SLIT1: variants seen among roughly 807,000 people sequenced by gnomAD.
SLIT1 encodes the protein slit guidance ligand 1.
A neutral mutation model predicts 186.1 loss-of-function variants in SLIT1; 66 were observed. The observed-to-expected ratio is 0.35, with a 90% CI of 0.29 to 0.44. The LOEUF is 0.44. Ranked by LOEUF, SLIT1 falls within the 20% of genes least tolerant of loss-of-function variation. The pLI is 1.00. For missense variants in SLIT1, 1,638 were observed against 2,037.4 expected (o/e 0.80, Z 3.77); for synonymous variants, 761 against 833.8 (o/e 0.91, Z 1.50).
chr10:97,064,276 C>G, intron 6 of SLIT1, 37 bp from the exon 7 acceptor site: 1 of 1,571,654 alleles, frequency 6.4e-7, no homozygotes, highest in Non-Finnish European at 8.7e-7. Context: ...AGCACCTGCC[C>G]AGCAGGAGAT....
At chr10:97,069,933 CT>C (rs937708931) in intron 4 of SLIT1, among the ~76,000 whole-genome samples, 3 of 152,188 alleles carry the variant, frequency 2.0e-5, no homozygotes, top group African/African-American at 7.2e-5. Flanking sequence ...ATAAAAGACA[CT>C]GTAGCTCCCT....
chr10:97,026,547 T>C (rs11188992), intron 25 of SLIT1, among the ~76,000 whole-genome samples: 8,058 of 152,318 alleles, frequency 0.053, 287 homozygotes, highest in East Asian at 0.093. Flanking sequence ...TTCTGTCATA[T>C]GGGCATGCCA....
intron 7 of SLIT1, 60 bp downstream of exon 7, chr10:97,064,108 C>G: frequency 7.2e-7 from 1 of 1,392,868 alleles, no homozygotes; most frequent in Non-Finnish European, 1.0e-6. Flanking sequence ...CCTGCCCCAC[C>G]CACCCCCTGG....
At chr10:97,070,555 T>C (rs1004186812) in intron 4 of SLIT1, among the ~76,000 whole-genome samples, 4 of 152,208 alleles carry the variant, frequency 2.6e-5, no homozygotes, top group African/African-American at 9.7e-5. Flanking sequence ...TCCAATGTGA[T>C]GGTATTAGGA....
chr10:97,032,212 T>A (rs557087748), intron 23 of SLIT1, among the ~76,000 whole-genome samples: 2 of 152,274 alleles, frequency 1.3e-5, no homozygotes, highest in East Asian at 3.9e-4. Flanking sequence ...ACTATTCCCA[T>A]CTTATAGATG....
At chr10:97,158,089 G>C (rs1039411484) in intron 3 of SLIT1, among the ~76,000 whole-genome samples, 200 bp from the exon 4 acceptor site, 4 of 152,162 alleles carry the variant, frequency 2.6e-5, no homozygotes, top group Non-Finnish European at 5.9e-5. Flanking sequence ...CCCAGCACGA[G>C]GGGAGGATAA....
At chr10:97,179,624 T>C (rs1484498794) in intron 1 of SLIT1, among the ~76,000 whole-genome samples, 3 of 152,216 alleles carry the variant, frequency 2.0e-5, no homozygotes, top group Non-Finnish European at 4.4e-5. Flanking sequence ...TCTATGGACA[T>C]CCTTACACTT....
chr10:97,037,640 G>A, intron 22 of SLIT1, 58 bp downstream of exon 22: 1 of 1,337,806 alleles, frequency 7.5e-7, no homozygotes, highest in Non-Finnish European at 1.1e-6. Flanking sequence ...AGGAAAGCCG[G>A]AGTCCTGATG....
chr10:97,077,641 G>A (rs781671266), intron 4 of SLIT1, among the ~76,000 whole-genome samples: 3 of 152,140 alleles, frequency 2.0e-5, no homozygotes, highest in Non-Finnish European at 2.9e-5. Context: ...TGTATTGTCC[G>A]TGAGGCTTCC....
At chr10:97,108,002 T>A (rs1849430393) in intron 4 of SLIT1, among the ~76,000 whole-genome samples, 1 of 152,176 alleles carries the variant, frequency 6.6e-6, no homozygotes, top group South Asian at 2.1e-4. Flanking sequence ...AAAAGAATCC[T>A]AAGAGACACA....
In SLIT1 at chr10:97,088,521, T is replaced by C. The variant is rs142025009; in HGVS notation, c.414-22435A>G. 2.4e-3 allele frequency among the ~76,000 whole-genome samples: 359 copies of C among 152,318 alleles called. 1 individual carries two copies. The highest frequency in any genetic ancestry group is 8.5e-3 in the African/African-American group (353 of 41,570). The stretch of plus-strand genomic sequence containing the variant: ...AGTCTGGGAATGTAAATGAAATGCT[T>C]TGGGCAGAGAGGGCTTTGCTGGTCG... On this transcript the variant is annotated intron_variant, in intron 4 of 36. Coordinates refer to ENST00000266058, the MANE Select transcript of SLIT1 (RefSeq NM_003061.3).
chr10:97,030,862 A>C, intron 24 of SLIT1, 34 bp from the exon 25 acceptor site: 1 of 1,585,126 alleles, frequency 6.3e-7, no homozygotes. Context: ...TGCCTTATCC[A>C]GGGACAGAGA....
intron 13 of SLIT1, among the ~76,000 whole-genome samples, chr10:97,054,740 A>G (rs994851834): frequency 6.6e-6 from 1 of 152,250 alleles, no homozygotes. Context: ...GGAAGCAATC[A>G]ACAAAGTCTA....
At chr10:97,019,373 A>G (rs1313076190) in intron 26 of SLIT1, among the ~76,000 whole-genome samples, 2 of 152,212 alleles carry the variant, frequency 1.3e-5, no homozygotes, top group Non-Finnish European at 2.9e-5. Flanking sequence ...CTTGGCAGGC[A>G]GGCGGGCGGG....
At chr10:97,048,872 T>G in intron 14 of SLIT1, 83 bp downstream of exon 14, 3 of 1,252,348 alleles carry the variant, frequency 2.4e-6, no homozygotes, top group East Asian at 2.3e-5. Flanking sequence ...GGTGGGCAGG[T>G]ATGCAGGTGG....
rs143296611 is a variant in SLIT1 at position 97,100,460 on chromosome 10, C to T, written c.414-34374G>A. Reference sequence around the variant, plus strand: ...CCAACATGGTGAAACGCTGTCTCTACAAAAAATACAAAAAAAAGAAAAAAA... The same window carrying T: ...CCAACATGGTGAAACGCTGTCTCTATAAAAAATACAAAAAAAAGAAAAAAA... On this transcript the variant is annotated intron_variant, in intron 4 of 36. Transcript: ENST00000266058. 5.6e-3 allele frequency among the ~76,000 whole-genome samples: 855 copies of T among 151,690 alleles called. 16 individuals carry two copies. The highest frequency in any genetic ancestry group is 0.046 in the East Asian group (235 of 5,162).
chr10:97,034,573 A>G, intron 22 of SLIT1, 31 bp from the exon 23 acceptor site: 1 of 1,581,580 alleles, frequency 6.3e-7, no homozygotes. Context: ...ATGATTTAGA[A>G]AGAACTCACT....
At chr10:97,016,192 C>T (rs1297366291) in intron 28 of SLIT1, among the ~76,000 whole-genome samples, 2 of 151,898 alleles carry the variant, frequency 1.3e-5, no homozygotes, top group African/African-American at 4.8e-5. Context: ...GCCTGTAGTC[C>T]CAGCTACTCG....
intron 22 of SLIT1, among the ~76,000 whole-genome samples, chr10:97,037,278 A>C (rs893543828): frequency 2.6e-5 from 4 of 151,934 alleles, no homozygotes; most frequent in African/African-American, 9.7e-5. Context: ...ATTTTTAGGA[A>C]AGATGGGGTT....
Sources: allele counts gnomAD v4.1 joint callset (sites outside exome capture counted in the v4.1 genomes callset), GRCh38; gene constraint gnomAD v4.1.1; transcripts MANE v1.5; gene names NCBI Gene and HGNC (gene_info 2026-07-23, HGNC 2026-07-21).